ADCY2: variants seen among roughly 807,000 people sequenced by gnomAD.
The protein encoded by ADCY2 is adenylate cyclase type 2.
A neutral mutation model predicts 125.2 loss-of-function variants in ADCY2; 31 were observed. The ratio of observed to expected loss-of-function variants is 0.25; its 90% confidence interval spans 0.19 to 0.33. The LOEUF is 0.33. Ranked by LOEUF, ADCY2 falls within the 10% of genes least tolerant of loss-of-function variation. ADCY2 has a pLI of 1.00. For missense variants in ADCY2, 904 were observed against 1,418.2 expected (o/e 0.64, Z 5.82); for synonymous variants, 512 against 548.4 (o/e 0.93, Z 0.93).
chr5:7,727,158 C>A lies in ADCY2; in HGVS notation c.1774-6C>A, dbSNP rs1046514051. On this transcript the variant is annotated splice_polypyrimidine_tract_variant and splice_region_variant and intron_variant, in intron 13 of 24. Transcript: ENST00000338316. ...TGTCACTCACAGGTTCCTTTCTCCCCCTCAGTACCGGGCCACGGCACTGCC... is the reference window on the plus strand; with the variant it reads ...TGTCACTCACAGGTTCCTTTCTCCCACTCAGTACCGGGCCACGGCACTGCC... The A allele has an allele frequency of 1.9e-6, 3 of 1,611,708 alleles. No individual in the cohort carries two copies. The highest frequency in any genetic ancestry group is 2.5e-6 in the Non-Finnish European group (3 of 1,178,380).
chr5:7,784,319 T>G, intron 18 of ADCY2, 46 bp from the exon 19 acceptor site: 1 of 1,370,750 alleles, frequency 7.3e-7, no homozygotes, highest in African/African-American at 1.4e-5. Flanking sequence ...TGTATGCGTG[T>G]TGTTTTGTTG....
At chr5:7,752,712 A>AG (rs398108566) in intron 15 of ADCY2, among the ~76,000 whole-genome samples, 1 of 151,112 alleles carries the variant, frequency 6.6e-6, no homozygotes, top group East Asian at 1.9e-4. Context: ...GAAAAAAAAA[A>AG]GGAAAGAGAG....
chr5:7,569,302 T>A (rs1736000262), intron 3 of ADCY2, among the ~76,000 whole-genome samples: 1 of 152,130 alleles, frequency 6.6e-6, no homozygotes. Flanking sequence ...TGTTCAGGAA[T>A]CTCACACCTG....
At chr5:7,422,331 G>A (rs371651980) in intron 2 of ADCY2, among the ~76,000 whole-genome samples, 10 of 152,000 alleles carry the variant, frequency 6.6e-5, no homozygotes, top group Admixed American at 3.3e-4. Context: ...GTGAGCCACC[G>A]TGCCCAGCCT....
intron 3 of ADCY2, among the ~76,000 whole-genome samples, chr5:7,550,807 C>T (rs1406332512): frequency 1.3e-5 from 2 of 152,304 alleles, no homozygotes; most frequent in East Asian, 1.9e-4. Flanking sequence ...GCATCTCAGC[C>T]ACACTGATCT....
intron 2 of ADCY2, among the ~76,000 whole-genome samples, chr5:7,416,534 A>G (rs1321245707): frequency 6.6e-6 from 1 of 152,194 alleles, no homozygotes; most frequent in African/African-American, 2.4e-5. Context: ...AATAAGGTAA[A>G]CATGAGAGGG....
chr5:7,811,571 T>C (rs1446305595), intron 22 of ADCY2, among the ~76,000 whole-genome samples: 1 of 152,096 alleles, frequency 6.6e-6, no homozygotes, highest in African/African-American at 2.4e-5. Context: ...AACAATTATT[T>C]TATCCAAATA....
intron 2 of ADCY2, among the ~76,000 whole-genome samples, chr5:7,487,395 C>T (rs147182677): frequency 9.2e-5 from 14 of 152,312 alleles, no homozygotes; most frequent in African/African-American, 3.4e-4. Context: ...TCATAGCACA[C>T]CATTTTCCTT....
chr5:7,586,204 T>C (rs1340242220), intron 3 of ADCY2, among the ~76,000 whole-genome samples: 1 of 152,240 alleles, frequency 6.6e-6, no homozygotes, highest in East Asian at 1.9e-4. Context: ...ACTTGTTTTA[T>C]TTATCTCGTT....
chr5:7,727,088 C>A, intron 13 of ADCY2, 76 bp from the exon 14 acceptor site: 1 of 1,117,742 alleles, frequency 8.9e-7, no homozygotes, highest in Non-Finnish European at 1.3e-6. Flanking sequence ...GCTCTGGGTA[C>A]AACTAGGCTG....
chr5:7,502,367 T>G (rs769524907), intron 2 of ADCY2, among the ~76,000 whole-genome samples: 1 of 152,088 alleles, frequency 6.6e-6, no homozygotes, highest in Non-Finnish European at 1.5e-5. Context: ...CAGCCAGTGA[T>G]GACCAAACCC....
At chr5:7,435,800 A>C (rs1183199782) in intron 2 of ADCY2, among the ~76,000 whole-genome samples, 1 of 152,248 alleles carries the variant, frequency 6.6e-6, no homozygotes, top group Non-Finnish European at 1.5e-5. Flanking sequence ...AGAATTTAAC[A>C]TCAGACTTGG....
intron 17 of ADCY2, among the ~76,000 whole-genome samples, chr5:7,770,429 T>G (rs1375653334): frequency 6.6e-6 from 1 of 152,086 alleles, no homozygotes; most frequent in Non-Finnish European, 1.5e-5. Context: ...TAACTTTAAT[T>G]ATAACAGTGG....
intron 17 of ADCY2, among the ~76,000 whole-genome samples, chr5:7,769,210 AAAACATGTTTGTG>A (rs1743485005): frequency 6.6e-6 from 1 of 152,238 alleles, no homozygotes; most frequent in African/African-American, 2.4e-5. Context: ...AGGTTTACCA[AAAACATGTTTGTG>A]CATGTGTTTA....
chr5:7,507,317 T>C (rs1483378077), intron 2 of ADCY2, among the ~76,000 whole-genome samples: 63 of 138,402 alleles, frequency 4.6e-4, no homozygotes, highest in African/African-American at 1.7e-3. Flanking sequence ...GGCGGGCGCC[T>C]GTAGTCCCAG....
chr5:7,814,566 A>G (rs1045474172), intron 22 of ADCY2, among the ~76,000 whole-genome samples: 1 of 151,862 alleles, frequency 6.6e-6, no homozygotes, highest in African/African-American at 2.4e-5. Context: ...CCCCATGCAC[A>G]CTCCTTATTA....
chr5:7,577,900 G>A (rs186931106), intron 3 of ADCY2, among the ~76,000 whole-genome samples: 150 of 152,260 alleles, frequency 9.9e-4, no homozygotes, highest in Non-Finnish European at 1.5e-3. Context: ...GCCCACCAAC[G>A]CAGCGAAATG....
chr5:7,630,243 G>GGGT (rs1738270360), intron 4 of ADCY2, among the ~76,000 whole-genome samples: 1 of 152,070 alleles, frequency 6.6e-6, no homozygotes, highest in Non-Finnish European at 1.5e-5. Context: ...AGTGATCCTT[G>GGGT]GGTGGTCATG....
rs140783946 is a variant in ADCY2, at chr5:7,783,624, G to T, written c.2385-741G>T. Among the ~76,000 whole-genome samples, 991 of 152,232 alleles carry T rather than the reference G, an allele frequency of 6.5e-3. 5 individuals carry two copies. The highest frequency in any genetic ancestry group is 0.01 in the Non-Finnish European group (691 of 68,012). On this transcript the variant is annotated intron_variant, in intron 18 of 24. Coordinates refer to ENST00000338316, the MANE Select transcript of ADCY2 (RefSeq NM_020546.3). ...ATGCCATCGATGCTGCTTATGTGAC[G>T]TGGTGTCCATGCACCATCCATTTTT...
Sources: allele counts gnomAD v4.1 joint callset (sites outside exome capture counted in the v4.1 genomes callset), GRCh38; gene constraint gnomAD v4.1.1; transcripts MANE v1.5; gene names NCBI Gene and HGNC (gene_info 2026-07-23, HGNC 2026-07-21).